Variants in RGS6 observed in about 807,000 individuals in gnomAD.
The protein encoded by RGS6 is regulator of G protein signaling 6.
In RGS6, 30 loss-of-function variants were observed where a neutral mutation model predicts 78.5. That is an observed-to-expected ratio of 0.38 (90% CI 0.29 to 0.52). The LOEUF (loss-of-function observed/expected upper bound fraction) is 0.52, where lower values mean the gene tolerates loss of function less well. Among genes scored for constraint, RGS6 ranks in the 20% least tolerant of loss-of-function variants. RGS6 has a pLI of 0.85. For synonymous variants in RGS6, 206 were observed against 206.0 expected (o/e 1.00, Z 0.00); for missense variants, 495 against 609.7 (o/e 0.81, Z 1.98).
the RGS6 span, among the ~76,000 whole-genome samples, chr14:72,598,540 G>T: frequency 2.0e-5 from 3 of 152,226 alleles, no homozygotes; most frequent in African/African-American, 7.2e-5. Flanking sequence ...TCTGCTCAAA[G>T]CGCCCCACTC....
At chr14:72,296,208 G>A (rs1178733226) in intron 2 of RGS6, among the ~76,000 whole-genome samples, 1 of 152,006 alleles carries the variant, frequency 6.6e-6, no homozygotes, top group South Asian at 2.1e-4. Context: ...TCCTTTTTAT[G>A]CCTGAGTAGT....
intron 2 of RGS6, among the ~76,000 whole-genome samples, chr14:72,215,376 CT>C (rs1205825197): frequency 6.6e-6 from 1 of 152,198 alleles, no homozygotes; most frequent in Non-Finnish European, 1.5e-5. Flanking sequence ...CTGTTTCTCC[CT>C]GTTAGAAATG....
In RGS6 at chr14:72,106,159, A is replaced by T. The variant is rs535002781; in HGVS notation, c.84+141284A>T. On this transcript the variant is annotated intron_variant, in intron 2 of 17. Transcript: ENST00000553525. ...AGGCAATATTCTCATGATATTGATAAGAACTTTTTTTCTAAGTTCTGTTGA... is the reference window on the plus strand; with the variant it reads ...AGGCAATATTCTCATGATATTGATATGAACTTTTTTTCTAAGTTCTGTTGA... Among the ~76,000 whole-genome samples the T allele has an allele frequency of 7.9e-5, 12 of 152,360 alleles. 1 individual carries two copies. The South Asian group carries it at 2.5e-3, about 32-fold the overall frequency.
chr14:72,194,994 G>A (rs1315135065), intron 2 of RGS6, among the ~76,000 whole-genome samples: 1 of 152,100 alleles, frequency 6.6e-6, no homozygotes, highest in African/African-American at 2.4e-5. Flanking sequence ...GATCGCTTGA[G>A]GTCAGGAGTT....
the RGS6 span, among the ~76,000 whole-genome samples, chr14:72,600,427 T>G: frequency 5.3e-4 from 81 of 151,738 alleles, no homozygotes; most frequent in African/African-American, 1.8e-3. Context: ...AGGATGGCAG[T>G]GAACTAGCCT....
chr14:72,004,055 T>G (rs1047342789), intron 2 of RGS6, among the ~76,000 whole-genome samples: 3 of 152,142 alleles, frequency 2.0e-5, no homozygotes, highest in Admixed American at 2.0e-4. Flanking sequence ...ATTTAATTGG[T>G]ATGGGGTAAG....
chr14:72,200,602 A>G (rs556554974), intron 2 of RGS6, among the ~76,000 whole-genome samples: 25 of 132,420 alleles, frequency 1.9e-4, no homozygotes, highest in Middle Eastern at 3.6e-3. Flanking sequence ...TGGTAGGGAC[A>G]GGGCTGTCCC....
chr14:71,877,611 A>T, the RGS6 span, among the ~76,000 whole-genome samples: 21 of 152,246 alleles, frequency 1.4e-4, no homozygotes, highest in South Asian at 4.3e-3. Flanking sequence ...CTTCTTTGCC[A>T]TGGGTTTGAA....
At chr14:72,407,338 T>C (rs993865392) in intron 3 of RGS6, among the ~76,000 whole-genome samples, 5 of 152,224 alleles carry the variant, frequency 3.3e-5, no homozygotes, top group Non-Finnish European at 7.3e-5. Context: ...TCTTGGAGTC[T>C]TTATTGGTTG....
intron 2 of RGS6, among the ~76,000 whole-genome samples, chr14:72,243,475 C>T (rs1220117284): frequency 6.6e-6 from 1 of 152,182 alleles, no homozygotes; most frequent in Non-Finnish European, 1.5e-5. Context: ...AAAACAAAGG[C>T]TCATTATACA....
chr14:72,030,383 GTT>G (rs1428939244), intron 2 of RGS6, among the ~76,000 whole-genome samples: 1 of 152,036 alleles, frequency 6.6e-6, no homozygotes, highest in Non-Finnish European at 1.5e-5. Flanking sequence ...GGAAATAAAA[GTT>G]TGAAAAAATA....
chr14:72,241,686 G>A (rs2052876526), intron 2 of RGS6, among the ~76,000 whole-genome samples: 1 of 152,186 alleles, frequency 6.6e-6, no homozygotes, highest in Non-Finnish European at 1.5e-5. Flanking sequence ...GCAAATAATA[G>A]ATATATGATA....
At chr14:72,535,745 T>C (rs1567074810) in intron 15 of RGS6, among the ~76,000 whole-genome samples, 1 of 152,266 alleles carries the variant, frequency 6.6e-6, no homozygotes, top group Non-Finnish European at 1.5e-5. Flanking sequence ...ATCTGTTCTT[T>C]GTCTCTATAA....
intron 17 of RGS6, among the ~76,000 whole-genome samples, chr14:72,561,240 C>G (rs2097671788): frequency 6.6e-6 from 1 of 152,186 alleles, no homozygotes; most frequent in South Asian, 2.1e-4. Context: ...CCCTCACACC[C>G]CACTTGGAAA....
chr14:71,958,709 G>A (rs1420985008), intron 1 of RGS6, among the ~76,000 whole-genome samples: 2 of 152,198 alleles, frequency 1.3e-5, no homozygotes, highest in Non-Finnish European at 2.9e-5. Flanking sequence ...TGGGATGGGA[G>A]GAAGGGATCA....
intron 3 of RGS6, among the ~76,000 whole-genome samples, chr14:72,404,171 A>G (rs1342612291): frequency 6.6e-6 from 1 of 152,182 alleles, no homozygotes; most frequent in Non-Finnish European, 1.5e-5. Context: ...AGTTTCTATG[A>G]AGGTCTTGAA....
chr14:72,008,685 A>C (rs1024139247), intron 2 of RGS6, among the ~76,000 whole-genome samples: 2 of 152,188 alleles, frequency 1.3e-5, no homozygotes, highest in African/African-American at 2.4e-5. Context: ...AGTTGAGGAC[A>C]TTCAGGCAGT....
the RGS6 span, among the ~76,000 whole-genome samples, chr14:71,905,878 A>AT: frequency 2.0e-4 from 31 of 152,336 alleles, no homozygotes; most frequent in Admixed American, 9.8e-4. Context: ...GTGTGGCAGC[A>AT]CCACATCTGG....
chr14:72,120,116 T>G (rs2096009732), intron 2 of RGS6, among the ~76,000 whole-genome samples: 1 of 152,186 alleles, frequency 6.6e-6, no homozygotes, highest in Non-Finnish European at 1.5e-5. Flanking sequence ...CAAGATCCAT[T>G]AGAGGGATTT....
Sources: gnomAD v4.1 joint callset for allele counts (sites outside exome capture counted in the v4.1 genomes callset) on GRCh38, gnomAD v4.1.1 for gene constraint, MANE v1.5 for transcripts, NCBI Gene and HGNC (gene_info 2026-07-23, HGNC 2026-07-21) for gene names.